Variants in GALNTL6 observed in about 807,000 individuals in gnomAD.
GALNTL6 encodes the protein polypeptide N-acetylgalactosaminyltransferase like 6.
A neutral mutation model predicts 73.7 loss-of-function variants in GALNTL6; 46 were observed. The ratio of observed to expected loss-of-function variants is 0.62; its 90% CI spans 0.49 to 0.80. The LOEUF (loss-of-function observed/expected upper bound fraction) is 0.80. Ranked by LOEUF, GALNTL6 falls within the 30% of genes least tolerant of loss-of-function variation. The pLI is 0.00. For missense variants in GALNTL6, 604 were observed against 755.0 expected, an observed-to-expected ratio of 0.80 and a Z score of 2.34; for synonymous variants, 259 against 263.7, an observed-to-expected ratio of 0.98 and a Z score of 0.17.
Position 172,874,352 on chromosome 4 carries a change from G to A in GALNTL6, c.924-8438G>A, listed in dbSNP as rs115562566. 8.2e-3 allele frequency among the ~76,000 whole-genome samples: 1,253 copies of A among 152,272 alleles called. 12 individuals are homozygous for A. Among genetic ancestry groups the A allele is most frequent in the African/African-American group, 0.029 (1,192 of 41,542 alleles). On this transcript the variant is annotated intron_variant, in intron 7 of 12. Transcript: ENST00000506823. ...GTGGAAACAGATAGACTAGAATTAAGATGGGATGCAGAAGCTAAAGCCCAG... is the reference window on the plus strand; with the variant it reads ...GTGGAAACAGATAGACTAGAATTAAAATGGGATGCAGAAGCTAAAGCCCAG...
At chr4:172,357,031 T>C (rs1742185612) in intron 5 of GALNTL6, among the ~76,000 whole-genome samples, 1 of 152,146 alleles carries the variant, frequency 6.6e-6, no homozygotes, top group Admixed American at 6.5e-5. Flanking sequence ...AACCATCATT[T>C]CACTATGTGT....
intron 5 of GALNTL6, among the ~76,000 whole-genome samples, chr4:172,785,972 T>C (rs1043600956): frequency 5.9e-5 from 9 of 152,202 alleles, no homozygotes; most frequent in Non-Finnish European, 1.0e-4. Context: ...GTCTTGCTCC[T>C]GAAGAATGTC....
rs1047937364 is a variant in GALNTL6 at position 172,481,357 on chromosome 4, G to A, written c.553+132668G>A. ...TAAAGGCAGTGCGGACCCAAAGAGT[G>A]AGCACCAGCAAGACGTATTGCAAAG... On this transcript the variant is annotated intron_variant, in intron 5 of 12. Coordinates refer to ENST00000506823, the MANE Select transcript of GALNTL6 (RefSeq NM_001034845.3). Among the ~76,000 whole-genome samples the A allele has an allele frequency of 2.2e-5, 3 of 136,088 alleles. No homozygotes were observed. The East Asian group carries it at 7.4e-4, about 34-fold the overall frequency. 89.3% of individuals were successfully genotyped at this position (136,088 alleles called of 152,430 possible). A position where few individuals can be genotyped will look rare whatever the true frequency, so the allele number is the denominator to read the frequency against.
chr4:173,011,510 T>C (rs2126497634), intron 11 of GALNTL6, among the ~76,000 whole-genome samples: 1 of 152,312 alleles, frequency 6.6e-6, no homozygotes, highest in African/African-American at 2.4e-5. Context: ...AAGTCTTTAA[T>C]CCATTTTAAT....
chr4:171,992,379 A>G (rs1034211098), intron 2 of GALNTL6, among the ~76,000 whole-genome samples: 7 of 152,040 alleles, frequency 4.6e-5, no homozygotes, highest in Non-Finnish European at 8.8e-5. Flanking sequence ...CATGTTATCC[A>G]TATAATGTAC....
At position 172,042,088 on chromosome 4, in the gene GALNTL6, C is replaced by G. The variant is rs552354463; in HGVS notation, c.139-187568C>G. ...CCAGCTGCTCCAGTCCTCAGCCATTCAATTAATAGCACTGATACCCTGAAC... is the reference window on the plus strand; with the variant it reads ...CCAGCTGCTCCAGTCCTCAGCCATTGAATTAATAGCACTGATACCCTGAAC... On this transcript the variant is annotated intron_variant, in intron 2 of 12. Transcript: ENST00000506823. Among the ~76,000 whole-genome samples, 14 of 152,128 alleles carry G rather than the reference C, an allele frequency of 9.2e-5. No homozygotes were observed. In the South Asian group the frequency reaches 2.7e-3, roughly 29 times the overall value.
At chr4:171,951,002 T>A (rs896264458) in intron 2 of GALNTL6, among the ~76,000 whole-genome samples, 1 of 151,854 alleles carries the variant, frequency 6.6e-6, no homozygotes, top group African/African-American at 2.4e-5. Flanking sequence ...ATGGAAAGTA[T>A]AAAATTAAGT....
At chr4:172,278,339 T>G (rs1465490190) in intron 3 of GALNTL6, among the ~76,000 whole-genome samples, 2 of 152,212 alleles carry the variant, frequency 1.3e-5, no homozygotes, top group East Asian at 3.8e-4. Context: ...CATCTCTGGC[T>G]AAGTCTTCAC....
intron 2 of GALNTL6, among the ~76,000 whole-genome samples, chr4:171,944,944 G>A (rs1042947067): frequency 8.6e-5 from 13 of 151,840 alleles, no homozygotes; most frequent in Admixed American, 6.6e-5. Context: ...CCTAAAGCCT[G>A]CTCTAAGTTC....
intron 2 of GALNTL6, among the ~76,000 whole-genome samples, chr4:172,058,113 G>GTTGTT (rs10526611): frequency 0.061 from 8,876 of 146,302 alleles, 935 homozygotes; most frequent in African/African-American, 0.21. Flanking sequence ...GGCTGAAGTG[G>GTTGTT]TTGTTTTGTT....
chr4:172,145,424 A>G (rs1733905710), intron 2 of GALNTL6, among the ~76,000 whole-genome samples: 1 of 151,894 alleles, frequency 6.6e-6, no homozygotes. Flanking sequence ...ATAGGCGTGT[A>G]TTATTATTTT....
At chr4:172,561,210 G>A (rs565777167) in intron 5 of GALNTL6, among the ~76,000 whole-genome samples, 71 of 130,506 alleles carry the variant, frequency 5.4e-4, no homozygotes, top group Non-Finnish European at 1.0e-3. Flanking sequence ...CCGAGATTGC[G>A]CCACTGCAGT....
chr4:172,205,570 GA>G (rs1273722964), intron 2 of GALNTL6, among the ~76,000 whole-genome samples: 29 of 152,202 alleles, frequency 1.9e-4, no homozygotes, highest in Admixed American at 2.0e-4. Flanking sequence ...TTCTGACAAA[GA>G]AAAGACTCTC....
At chr4:172,746,157 T>C (rs1302336395) in intron 5 of GALNTL6, among the ~76,000 whole-genome samples, 1 of 152,106 alleles carries the variant, frequency 6.6e-6, no homozygotes, top group Non-Finnish European at 1.5e-5. Context: ...GCAATTATTA[T>C]TATTATTGCT....
chr4:171,990,429 C>G (rs1740300706), intron 2 of GALNTL6, among the ~76,000 whole-genome samples: 2 of 151,930 alleles, frequency 1.3e-5, no homozygotes, highest in South Asian at 2.1e-4. Context: ...GAGGCAGAAA[C>G]AGAATGTGAA....
chr4:172,685,698 A>G (rs569410820), intron 5 of GALNTL6, among the ~76,000 whole-genome samples: 1 of 152,366 alleles, frequency 6.6e-6, no homozygotes, highest in East Asian at 1.9e-4. Flanking sequence ...AGGTCAGAGT[A>G]AATCCTCTTT....
chr4:172,334,429 T>G (rs1367793617), intron 4 of GALNTL6, among the ~76,000 whole-genome samples: 1 of 152,230 alleles, frequency 6.6e-6, no homozygotes, highest in Non-Finnish European at 1.5e-5. Flanking sequence ...ATTTCATCAG[T>G]GTTTTGTAAT....
At chr4:172,817,904 C>T (rs1229660006) in intron 7 of GALNTL6, among the ~76,000 whole-genome samples, 1 of 152,172 alleles carries the variant, frequency 6.6e-6, no homozygotes. Context: ...CCAAATTGTC[C>T]TACTTGAGAT....
intron 2 of GALNTL6, among the ~76,000 whole-genome samples, chr4:172,009,426 C>G (rs1245689661): frequency 2.0e-5 from 3 of 152,178 alleles, no homozygotes; most frequent in South Asian, 2.1e-4. Context: ...TGGTCTACCC[C>G]CTGTGCCTGT....
Sources: allele counts gnomAD v4.1 joint callset (sites outside exome capture counted in the v4.1 genomes callset), GRCh38; gene constraint gnomAD v4.1.1; transcripts MANE v1.5; gene names NCBI Gene and HGNC (gene_info 2026-07-23, HGNC 2026-07-21).